Variants in DOCK7 observed in about 807,000 individuals in gnomAD.
DOCK7 encodes dedicator of cytokinesis 7, also known as dedicator of cytokinesis protein 7.
In DOCK7, 138 loss-of-function variants were observed where a neutral mutation model predicts 271.0. The observed-to-expected ratio is 0.51, with a 90% confidence interval of 0.44 to 0.59. The LOEUF (loss-of-function observed/expected upper bound fraction) is 0.59. Among genes scored for constraint, DOCK7 ranks in the 20% least tolerant of loss-of-function variants. The probability of loss-of-function intolerance (pLI) is 0.00; values close to 1 mark genes in which losing one functional copy is unlikely to be tolerated. For synonymous variants in DOCK7, 823 were observed against 876.1 expected (o/e 0.94, Z 1.07); for missense variants, 2,066 against 2,592.4 (o/e 0.80, Z 4.41).
Position 62,528,322 on chromosome 1 carries a change from CA to C in DOCK7, c.3782-18del. 2 of 1,592,906 alleles carry C rather than the reference CA, an allele frequency of 1.3e-6. No individual in the cohort carries two copies. ...TGTGAGTTTCTAAAGAAAAATAATCCAAAAAAATAAATAAAACTGTTTAGCT... is the reference window on the plus strand; with the variant it reads ...TGTGAGTTTCTAAAGAAAAATAATCCAAAAAATAAATAAAACTGTTTAGCT... On this transcript the variant is annotated intron_variant, in intron 30 of 49. Coordinates refer to ENST00000635253, the MANE Select transcript of DOCK7 (RefSeq NM_001367561.1).
intron 48 of DOCK7, among the ~76,000 whole-genome samples, chr1:62,470,681 CT>C (rs1464254676): frequency 5.3e-5 from 8 of 152,176 alleles, no homozygotes; most frequent in Admixed American, 1.3e-4. Flanking sequence ...GTAATCCCAG[CT>C]ACTCAGGAGG....
intron 30 of DOCK7, 90 bp from the exon 31 acceptor site, chr1:62,528,395 T>G: frequency 3.3e-6 from 4 of 1,204,996 alleles, no homozygotes; most frequent in Admixed American, 2.6e-5. Context: ...AAAGAATAAC[T>G]TGTTGACATG....
intron 1 of DOCK7, among the ~76,000 whole-genome samples, chr1:62,678,804 G>A: frequency 6.6e-6 from 1 of 151,858 alleles, no homozygotes. Context: ...CAGACCAATG[G>A]AACAAAACAG....
At chr1:62,519,425 T>G (rs1644777584) in intron 31 of DOCK7, among the ~76,000 whole-genome samples, 5 of 152,174 alleles carry the variant, frequency 3.3e-5, no homozygotes, top group African/African-American at 1.2e-4. Flanking sequence ...CTCTGATCAT[T>G]TAATTTGGCC....
In DOCK7 at chr1:62,648,558, A is replaced by C. The variant is rs1265888006; in HGVS notation, c.390-14T>G. ...AATTTATGATATCTATTAAAGAAAA[A>C]AAGTTAAATAAATATCAACTATCAA... is the stretch of plus-strand genomic sequence containing the variant. On this transcript the variant is annotated splice_polypyrimidine_tract_variant and intron_variant, in intron 4 of 49. Transcript: ENST00000635253. 8.2e-7 allele frequency: 1 copy of C among 1,223,974 alleles called. No individual in the cohort carries two copies. The highest frequency in any genetic ancestry group is 1.1e-6 in the Non-Finnish European group (1 of 924,290). The allele number at this position is 1,223,974 out of a possible 1,614,324, so 75.8% of individuals were successfully genotyped here.
chr1:62,485,821 GA>G (rs1356144397), intron 43 of DOCK7: 2 of 578,524 alleles, frequency 3.5e-6, no homozygotes, highest in Non-Finnish European at 4.4e-6. Flanking sequence ...TTTTACAAAG[GA>G]AAAGCAAAAA....
intron 41 of DOCK7, among the ~76,000 whole-genome samples, chr1:62,491,802 G>A (rs1199825176): frequency 6.6e-6 from 1 of 152,146 alleles, no homozygotes; most frequent in Non-Finnish European, 1.5e-5. Context: ...TTTCTGTTTT[G>A]TTTTGCTACG....
chr1:62,655,222 G>A lies in DOCK7; in HGVS notation c.145-1063C>T, dbSNP rs550717303. Among the ~76,000 whole-genome samples the A allele has an allele frequency of 6.6e-5, 10 of 151,480 alleles. No individual in the cohort carries two copies. In the South Asian group the frequency reaches 1.5e-3, roughly 22 times the overall value. On this transcript the variant is annotated intron_variant, in intron 2 of 49. Transcript: ENST00000635253. ...AAATACCATACTTCTTATCTAGTTC[G>A]AAAAAGAAAAAAATATTCAGACAAA...
chr1:62,501,588 A>G (rs1212704551), intron 37 of DOCK7, among the ~76,000 whole-genome samples: 1 of 152,106 alleles, frequency 6.6e-6, no homozygotes, highest in Non-Finnish European at 1.5e-5. Flanking sequence ...AAAGGGAGTT[A>G]ATAGATACTT....
At chr1:62,587,804 TGTGTGGGG>T (rs746160919) in intron 14 of DOCK7, among the ~76,000 whole-genome samples, 1 of 152,080 alleles carries the variant, frequency 6.6e-6, no homozygotes. Context: ...TGGAAAACTC[TGTGTGGGG>T]GTGTGGGGGA....
Position 62,504,513 on chromosome 1 carries a change from T to C in DOCK7, c.4764+117A>G, listed in dbSNP as rs1168027. The stretch of plus-strand genomic sequence containing the variant: ...GAATGAGAAATATCAAGATAGCCTA[T>C]GATTAGACTAAAAATATACAAAAAA... On this transcript the variant is annotated intron_variant, in intron 37 of 49. Coordinates refer to ENST00000635253, the MANE Select transcript of DOCK7 (RefSeq NM_001367561.1). 702,044 of 1,093,680 alleles carry C rather than the reference T, an allele frequency of 0.64. 230,025 individuals carry two copies. Among genetic ancestry groups the C allele is most frequent in the East Asian group, 0.77 (29,467 of 38,284 alleles). The allele number at this position is 1,093,680 out of a possible 1,614,324, so 67.7% of individuals were successfully genotyped here. A position where few individuals can be genotyped will look rare whatever the true frequency, so the allele number is the denominator to read the frequency against.
chr1:62,585,197 G>A (rs76811665), intron 15 of DOCK7, among the ~76,000 whole-genome samples: 3,464 of 151,990 alleles, frequency 0.023, 126 homozygotes, highest in African/African-American at 0.079. Context: ...AATGCCATAC[G>A]AGAATACAAA....
chr1:62,538,964 C>T (rs1479621116), intron 27 of DOCK7, among the ~76,000 whole-genome samples: 6 of 152,118 alleles, frequency 3.9e-5, no homozygotes, highest in Admixed American at 3.9e-4. Context: ...CCAGCAGAAC[C>T]AATAACTAAT....
At chr1:62,495,864 A>G in intron 38 of DOCK7, 183 bp from the exon 39 acceptor site, 1 of 478,156 alleles carries the variant, frequency 2.1e-6, no homozygotes, top group Non-Finnish European at 3.6e-6. Flanking sequence ...TAAACTTTAT[A>G]TAAATTCCTC....
intron 14 of DOCK7, among the ~76,000 whole-genome samples, chr1:62,612,939 T>C (rs1651973976): frequency 6.6e-6 from 1 of 152,232 alleles, no homozygotes; most frequent in Non-Finnish European, 1.5e-5. Context: ...CTGCCAAGAA[T>C]ACCATGTGTT....
At chr1:62,504,545 G>T in intron 37 of DOCK7, 85 bp downstream of exon 37, 1 of 1,384,040 alleles carries the variant, frequency 7.2e-7, no homozygotes, top group Non-Finnish European at 9.7e-7. Context: ...AAAACTCCAT[G>T]CTCTCCCAAA....
intron 14 of DOCK7, chr1:62,601,985 AAT>A (rs1351726089): frequency 7.3e-6 from 5 of 686,026 alleles, no homozygotes; most frequent in Non-Finnish European, 1.0e-5. Context: ...ATATATATGA[AAT>A]ATATATGAGT....
At chr1:62,549,788 C>T (rs1209479976) in intron 22 of DOCK7, among the ~76,000 whole-genome samples, 1 of 152,008 alleles carries the variant, frequency 6.6e-6, no homozygotes, top group East Asian at 1.9e-4. Flanking sequence ...TTTTTCTGTA[C>T]CCATTAACTA....
intron 19 of DOCK7, 87 bp downstream of exon 19, chr1:62,561,530 C>A: frequency 1.5e-6 from 1 of 683,896 alleles, no homozygotes; most frequent in Non-Finnish European, 2.2e-6. Flanking sequence ...AGATTTATGA[C>A]AGGTAACAAA....
Sources: allele counts gnomAD v4.1 joint callset (sites outside exome capture counted in the v4.1 genomes callset), GRCh38; gene constraint gnomAD v4.1.1; transcripts MANE v1.5; gene names NCBI Gene and HGNC (gene_info 2026-07-23, HGNC 2026-07-21).